Variants in EBF1 observed in about 807,000 individuals in gnomAD.
The protein encoded by EBF1 is transcription factor COE1.
In EBF1, 10 loss-of-function variants were observed where a neutral mutation model predicts 68.4. That is an observed-to-expected ratio of 0.15 (90% confidence interval 0.09 to 0.25). The LOEUF is 0.25. Among genes scored for constraint, EBF1 ranks in the 10% least tolerant of loss-of-function variants. The pLI is 1.00. For synonymous variants in EBF1, 298 were observed against 299.8 expected (o/e 0.99, Z 0.06); for missense variants, 509 against 794.4 (o/e 0.64, Z 4.32).
At chr5:158,895,361 A>G (rs974912231) in intron 6 of EBF1, among the ~76,000 whole-genome samples, 3 of 152,226 alleles carry the variant, frequency 2.0e-5, no homozygotes, top group African/African-American at 4.8e-5. Context: ...CCCTGTCTCA[A>G]AATAAAATTG....
intron 6 of EBF1, among the ~76,000 whole-genome samples, chr5:158,854,277 G>A (rs1332722624): frequency 6.6e-6 from 1 of 152,286 alleles, no homozygotes; most frequent in East Asian, 1.9e-4. Context: ...GGACCCCTGT[G>A]GCTACACTAA....
At chr5:158,740,083 G>A (rs541454616) in intron 10 of EBF1, among the ~76,000 whole-genome samples, 9 of 152,248 alleles carry the variant, frequency 5.9e-5, no homozygotes, top group South Asian at 2.1e-4. Flanking sequence ...AATAAGACAC[G>A]GTTTACTGGA....
chr5:158,998,965 C>A (rs1346562346), intron 6 of EBF1, among the ~76,000 whole-genome samples: 1 of 151,992 alleles, frequency 6.6e-6, no homozygotes, highest in East Asian at 1.9e-4. Flanking sequence ...GTGCCTACAC[C>A]CAAAGCATTT....
At chr5:158,854,311 C>T (rs1253650125) in intron 6 of EBF1, among the ~76,000 whole-genome samples, 1 of 152,216 alleles carries the variant, frequency 6.6e-6, no homozygotes, top group East Asian at 1.9e-4. Context: ...CATTAAAAAA[C>T]AAACATAGTT....
At position 159,003,444 on chromosome 5, in the gene EBF1, G is replaced by A. The variant is rs1305602788; in HGVS notation, c.554+69952C>T. 7.6e-5 allele frequency among the ~76,000 whole-genome samples: 11 copies of A among 143,878 alleles called. No individual in the cohort carries two copies. In the South Asian group the frequency reaches 2.7e-3, roughly 35 times the overall value. The allele number at this position is 143,878 out of a possible 152,430, so 94.4% of individuals were successfully genotyped here. On this transcript the variant is annotated intron_variant, in intron 6 of 15. Transcript: ENST00000313708. ...ATTTTGAATACCACTAGAAGGCACA[G>A]GAAACACAACTGCAGGAAAAAAAAA...
intron 9 of EBF1, among the ~76,000 whole-genome samples, chr5:158,795,999 C>T (rs1422527330): frequency 2.0e-5 from 3 of 152,144 alleles, no homozygotes; most frequent in Non-Finnish European, 2.9e-5. Context: ...TACACCCTTG[C>T]TAAAACTTGA....
chr5:159,048,728 C>T (rs776399451), intron 6 of EBF1, among the ~76,000 whole-genome samples: 18 of 152,162 alleles, frequency 1.2e-4, no homozygotes, highest in African/African-American at 1.7e-4. Flanking sequence ...TGCTGAAGGT[C>T]TAATTTCTGG....
intron 8 of EBF1, among the ~76,000 whole-genome samples, chr5:158,819,272 G>A (rs905246107): frequency 1.2e-4 from 19 of 152,328 alleles, no homozygotes; most frequent in Non-Finnish European, 2.1e-4. Flanking sequence ...ATAGCTGCAA[G>A]CGCTAATGGT....
chr5:158,987,820 A>G (rs1272189601), intron 6 of EBF1, among the ~76,000 whole-genome samples: 1 of 152,230 alleles, frequency 6.6e-6, no homozygotes, highest in African/African-American at 2.4e-5. Flanking sequence ...ACTTATAGGA[A>G]AAAATTACTA....
chr5:158,763,037 C>T (rs1771835899), intron 10 of EBF1, among the ~76,000 whole-genome samples: 1 of 152,158 alleles, frequency 6.6e-6, no homozygotes, highest in African/African-American at 2.4e-5. Flanking sequence ...TAATCTTATC[C>T]CTGATGACCA....
chr5:159,036,084 T>C (rs913889179), intron 6 of EBF1, among the ~76,000 whole-genome samples: 2 of 152,162 alleles, frequency 1.3e-5, no homozygotes, highest in African/African-American at 4.8e-5. Context: ...GAGTAAGGGA[T>C]AAAGTTTGTG....
At chr5:158,717,732 C>T (rs998385232) in intron 11 of EBF1, among the ~76,000 whole-genome samples, 1 of 151,844 alleles carries the variant, frequency 6.6e-6, no homozygotes, top group African/African-American at 2.4e-5. Context: ...AATGTTTGTT[C>T]TCCAATCTAC....
intron 10 of EBF1, among the ~76,000 whole-genome samples, chr5:158,751,843 T>C (rs529626888): frequency 6.6e-6 from 1 of 152,256 alleles, no homozygotes; most frequent in Non-Finnish European, 1.5e-5. Context: ...AAAATATTTA[T>C]AAAACATTTG....
At chr5:159,094,311 A>C (rs1782198684) in intron 4 of EBF1, among the ~76,000 whole-genome samples, 1 of 151,966 alleles carries the variant, frequency 6.6e-6, no homozygotes, top group African/African-American at 2.4e-5. Context: ...ACTGAGAAAT[A>C]AACAGATTTT....
intron 6 of EBF1, among the ~76,000 whole-genome samples, chr5:158,993,140 G>A (rs1416195243): frequency 4.0e-5 from 6 of 151,234 alleles, no homozygotes; most frequent in African/African-American, 1.5e-4. Context: ...TCCGCCTCCT[G>A]GGCTCAAGCG....
chr5:158,961,590 G>GA (rs11420297), intron 6 of EBF1, among the ~76,000 whole-genome samples: 17,883 of 151,942 alleles, frequency 0.12, 1,374 homozygotes, highest in Non-Finnish European at 0.17. Context: ...AAAATATTCT[G>GA]AAAAAAATAC....
chr5:159,044,377 T>C (rs1771893413), intron 6 of EBF1, among the ~76,000 whole-genome samples: 1 of 152,212 alleles, frequency 6.6e-6, no homozygotes, highest in South Asian at 2.1e-4. Context: ...GTTGTTGTTT[T>C]AATCTACTAA....
Position 158,712,429 on chromosome 5 carries a change from G to A in EBF1, c.1370-96C>T, listed in dbSNP as rs1015917830. ...AAGGAAGGTCTCTGTTTCTGGCCCC[G>A]TCGCCGCAACCCAGAGGGAAGGGAT... On this transcript the variant is annotated intron_variant, in intron 13 of 15. Transcript: ENST00000313708. 26 of 1,397,592 alleles carry A rather than the reference G, an allele frequency of 1.9e-5. No individual in the cohort carries two copies. The East Asian group carries it at 4.7e-4, about 25-fold the overall frequency. The allele number at this position is 1,397,592 out of a possible 1,614,324, so 86.6% of individuals were successfully genotyped here.
intron 6 of EBF1, among the ~76,000 whole-genome samples, chr5:158,899,117 T>C (rs987856246): frequency 6.6e-6 from 1 of 152,210 alleles, no homozygotes; most frequent in Non-Finnish European, 1.5e-5. Context: ...AAATGAAAAT[T>C]ACATATTAAA....
Sources: allele counts gnomAD v4.1 joint callset (sites outside exome capture counted in the v4.1 genomes callset), GRCh38; gene constraint gnomAD v4.1.1; transcripts MANE v1.5; gene names NCBI Gene and HGNC (gene_info 2026-07-23, HGNC 2026-07-21).